The following RASAL1 variants were observed in gnomAD, a reference collection of about 807,000 sequenced individuals.
RASAL1 encodes rasGAP-activating-like protein 1.
Under a neutral mutation model 96.6 loss-of-function variants are expected in RASAL1, and 72 were observed. The ratio of observed to expected loss-of-function variants is 0.75; its 90% confidence interval spans 0.62 to 0.91. The LOEUF is 0.91. Among genes scored for constraint, RASAL1 ranks in the 40% least tolerant of loss-of-function variants. The pLI is 0.00. For missense variants in RASAL1, 1,016 were observed against 1,072.5 expected (o/e 0.95, Z 0.74); for synonymous variants, 405 against 430.4 (o/e 0.94, Z 0.73).
Position 113,116,018 on chromosome 12 carries a change from G to A in RASAL1, c.765C>T (p.Arg255=). 1 of 1,605,824 alleles carries A rather than the reference G, an allele frequency of 6.2e-7. No individual in the cohort carries two copies. The highest frequency in any genetic ancestry group is 8.5e-7 in the Non-Finnish European group (1 of 1,175,894). Residue 255 remains arginine, a synonymous_variant, in exon 9 of 21, where the codon CGC becomes CGT. Coordinates refer to ENST00000548055, the MANE Select transcript of RASAL1 (RefSeq NM_001301202.2). ...GNLGALRVKV[R]LIEDRVLPSQ... ...AGGGCAGGACGCGGTCCTCAATCAG[G>A]CGTACCTTCACTCGCAGGGCACCCA...
intron 13 of RASAL1, among the ~76,000 whole-genome samples, chr12:113,109,035 T>G (rs1950756963): frequency 7.1e-5 from 1 of 14,004 alleles, no homozygotes; most frequent in Non-Finnish European, 1.6e-4. Flanking sequence ...TTAGGTTTTT[T>G]TGTGTGTGTT....
At chr12:113,124,259 T>C (rs1046858513) in intron 4 of RASAL1, among the ~76,000 whole-genome samples, 5 of 148,836 alleles carry the variant, frequency 3.4e-5, no homozygotes, top group African/African-American at 1.2e-4. Flanking sequence ...AGTCCAACAA[T>C]GTATTAGGAA....
chr12:113,104,934 G>A (rs1950595243), intron 16 of RASAL1, among the ~76,000 whole-genome samples: 3 of 152,184 alleles, frequency 2.0e-5, no homozygotes, highest in Admixed American at 2.0e-4. Flanking sequence ...CAAACTTCTG[G>A]GGTTGGTTCT....
intron 16 of RASAL1, 25 bp downstream of exon 16, chr12:113,105,689 C>G (rs1950618740): frequency 6.4e-7 from 1 of 1,570,952 alleles, no homozygotes; most frequent in Admixed American, 1.8e-5. Context: ...CCTGGAAAGC[C>G]CTCCATAGTG....
chr12:113,105,731 T>C lies in RASAL1; in HGVS notation c.1813A>G (p.Lys605Glu). 6.2e-7 allele frequency: 1 copy of C among 1,610,644 alleles called. No individual in the cohort carries two copies. ...AACCCCACCTGCCACTCAGGACTCT[T>C]GGAGAAGGAGAGGGTCTCCCCGCTG... ...WLSGETLSFS[K>E]SPEWQMCHSI... is the part of the protein sequence containing the mutation. Residue 605 changes from lysine (K) to glutamate (E), a missense_variant, in exon 16 of 21, where the codon AAG becomes GAG. Lys to Glu is a moderately conservative substitution (Grantham distance 56). Transcript: ENST00000548055.
Position 113,115,493 on chromosome 12 carries a change from G to T in RASAL1, c.1003+142C>A. 8.1e-7 allele frequency: 1 copy of T among 1,227,900 alleles called. No homozygotes were observed. The highest frequency in any genetic ancestry group is 1.1e-6 in the Non-Finnish European group (1 of 890,738). 76.1% of individuals were successfully genotyped at this position (1,227,900 alleles called of 1,614,324 possible). On this transcript the variant is annotated intron_variant, in intron 10 of 20. Coordinates refer to ENST00000548055, the MANE Select transcript of RASAL1 (RefSeq NM_001301202.2). The surrounding 1 kb of genome is among the most constrained non-coding windows in gnomAD (Gnocchi z 4.1). ...TGAACCTGCAATTGGGCTCCCAACT[G>T]TCTGGAGGTGCACAGCACAGGGACC...
rs750930383 is a variant in RASAL1 at position 113,135,408 on chromosome 12, C to G, written c.55G>C (p.Ala19Pro). Reference sequence around the variant, plus strand: ...CCGAGGAGTACTCACACGTCCTTGGCAGGCAGCGCGCGGCCCTCCACCACG... The same window carrying G: ...CCGAGGAGTACTCACACGTCCTTGGGAGGCAGCGCGCGGCCCTCCACCACG... ...VRVVEGRALP[A>P]KDVSGSSDPY... Residue 19 changes from alanine to proline, a missense_variant, in exon 1 of 21, where the codon GCC becomes CCC. Coordinates refer to ENST00000548055, the MANE Select transcript of RASAL1 (RefSeq NM_001301202.2). This position sits in a 1 kb window ranked among gnomAD's most constrained non-coding sequence, Gnocchi z 5.7. 1 of 1,609,242 alleles carries G rather than the reference C, an allele frequency of 6.2e-7. No individual in the cohort carries two copies. Among genetic ancestry groups the G allele is most frequent in the Non-Finnish European group, 8.5e-7 (1 of 1,178,320 alleles).
Position 113,135,327 on chromosome 12 carries a change from G to T in RASAL1, c.65+71C>A. The T allele has an allele frequency of 6.9e-7, 1 of 1,450,724 alleles. No individual in the cohort carries two copies. The highest frequency in any genetic ancestry group is 1.2e-5 in the South Asian group (1 of 82,022). 89.9% of individuals were successfully genotyped at this position (1,450,724 alleles called of 1,614,324 possible). A position where few individuals can be genotyped will look rare whatever the true frequency, so the allele number is the denominator to read the frequency against. ...CTCCTGCCAACCCGCCCTGGCACGC[G>T]GAAAGGGCGACGTCGGCCCCACCCC... On this transcript the variant is annotated intron_variant, in intron 1 of 20. Transcript: ENST00000548055. The surrounding 1 kb of genome is among the most constrained non-coding windows in gnomAD (Gnocchi z 5.7).
In RASAL1 at chr12:113,128,193, G is replaced by A; in HGVS notation, c.123-15C>T. On this transcript the variant is annotated splice_polypyrimidine_tract_variant and intron_variant, in intron 2 of 20. Transcript: ENST00000548055. Reference sequence around the variant, plus strand: ...CAGTAGCTGTCCTGCAAAAGGAGGTGCAGGGGGCTGGGGTCCTCGGGCCAC... The same window carrying A: ...CAGTAGCTGTCCTGCAAAAGGAGGTACAGGGGGCTGGGGTCCTCGGGCCAC... The A allele has an allele frequency of 6.3e-7, 1 of 1,595,842 alleles. No individual in the cohort carries two copies. The highest frequency in any genetic ancestry group is 1.1e-5 in the South Asian group (1 of 90,676).
chr12:113,128,111 C>T lies in RASAL1; in HGVS notation c.190G>A (p.Asp64Asn). Reference protein sequence around the residue: ...GEEYTVHLPLDFHQLAFYVLD... With the variant: ...GEEYTVHLPLNFHQLAFYVLD... ...ACGTAGAAGGCCAGCTGGTGGAAATCCAGAGGCAGGTGCACCGTGTACTCC... is the reference window on the plus strand; with the variant it reads ...ACGTAGAAGGCCAGCTGGTGGAAATTCAGAGGCAGGTGCACCGTGTACTCC... Residue 64 changes from aspartate to asparagine, a missense_variant, in exon 3 of 21, where the codon GAT (aspartate) becomes AAT (asparagine). Coordinates refer to ENST00000548055, the MANE Select transcript of RASAL1 (RefSeq NM_001301202.2). 1 of 1,614,024 alleles carries T rather than the reference C, an allele frequency of 6.2e-7. No individual in the cohort carries two copies. Among genetic ancestry groups the T allele is most frequent in the Middle Eastern group, 1.6e-4 (1 of 6,062 alleles).
Position 113,100,067 on chromosome 12 carries a change from C to G in RASAL1, c.2280G>C (p.Gly760=), listed in dbSNP as rs1950386725. The G allele has an allele frequency of 6.2e-7, 1 of 1,601,790 alleles. No individual in the cohort carries two copies. Among genetic ancestry groups the G allele is most frequent in the East Asian group, 2.2e-5 (1 of 44,494 alleles). The change falls in exon 21 of 21, where the codon GGG becomes GGC. Residue 760 remains glycine, a splice_region_variant and synonymous_variant. Coordinates refer to ENST00000548055, the MANE Select transcript of RASAL1 (RefSeq NM_001301202.2). ...NMDTTLEADT[G]ACPEVLARQR... ...GCCGGGCCAGGACCTCAGGACAGGC[C>G]CCTAGGAGGGAGACAAGAGGCCACA...
intron 11 of RASAL1, 73 bp from the exon 12 acceptor site, chr12:113,114,985 G>A (rs1951021833): frequency 7.8e-7 from 1 of 1,278,736 alleles, no homozygotes; most frequent in South Asian, 1.2e-5. Context: ...TGGGCGCAGG[G>A]GGGACCATGC....
chr12:113,116,584 C>T (rs745430747), intron 8 of RASAL1, among the ~76,000 whole-genome samples: 11 of 152,146 alleles, frequency 7.2e-5, no homozygotes, highest in Non-Finnish European at 1.3e-4. Flanking sequence ...ATACAAACAA[C>T]ATAAACAGGC....
In RASAL1 at chr12:113,107,383, G is replaced by A. The variant is rs984128918; in HGVS notation, c.1513-142C>T. ...CATGCCTGTAATCCCAGCACTTTGG[G>A]AGGCCGAAGTAAGCGGATCACTTGA... On this transcript the variant is annotated intron_variant, in intron 14 of 20. Transcript: ENST00000548055. 6.2e-5 allele frequency: 62 copies of A among 994,556 alleles called. No homozygotes were observed. The African/African-American group carries it at 8.5e-4, about 14-fold the overall frequency. 61.6% of individuals were successfully genotyped at this position (994,556 alleles called of 1,614,324 possible). A position where few individuals can be genotyped will look rare whatever the true frequency, so the allele number is the denominator to read the frequency against.
intron 15 of RASAL1, 28 bp downstream of exon 15, chr12:113,107,069 C>T (rs2468355): frequency 0.78 from 1,248,510 of 1,591,302 alleles, 490,576 homozygotes; most frequent in Admixed American, 0.85. Flanking sequence ...GCTGAGAAGC[C>T]AGATGTGGCC....
At chr12:113,121,699 C>T in intron 4 of RASAL1, 61 bp from the exon 5 acceptor site, 1 of 1,543,894 alleles carries the variant, frequency 6.5e-7, no homozygotes, top group South Asian at 1.2e-5. Context: ...ATTGTGTTAA[C>T]TTAAAAATTC....
In RASAL1 at chr12:113,115,612, C is replaced by T. The variant is rs376406753; in HGVS notation, c.1003+23G>A. ...AGCCCACCATTGAGGGCGGTGATGT[C>T]GGGGGTTGTGCGGGCAACTCACTGG... On this transcript the variant is annotated intron_variant, in intron 10 of 20. Transcript: ENST00000548055. The surrounding 1 kb of genome is among the most constrained non-coding windows in gnomAD (Gnocchi z 4.1). 5.1e-5 allele frequency: 82 copies of T among 1,609,824 alleles called. 1 individual carries two copies. The South Asian group carries it at 7.2e-4, about 14-fold the overall frequency.
chr12:113,110,550 C>T (rs2136146545), intron 13 of RASAL1, among the ~76,000 whole-genome samples: 1 of 152,328 alleles, frequency 6.6e-6, no homozygotes, highest in South Asian at 2.1e-4. Context: ...AGTCCAACCA[C>T]AAATGTTTTG....
intron 4 of RASAL1, among the ~76,000 whole-genome samples, chr12:113,126,211 G>A (rs1308942240): frequency 6.6e-6 from 1 of 151,956 alleles, no homozygotes. Flanking sequence ...CTTGAGCCCG[G>A]GAGGCAAAGG....
Sources: allele counts gnomAD v4.1 joint callset (sites outside exome capture counted in the v4.1 genomes callset), GRCh38; gene constraint gnomAD v4.1.1; non-coding constraint Gnocchi (gnomAD v3.1); transcripts MANE v1.5; gene names NCBI Gene and HGNC (gene_info 2026-07-23, HGNC 2026-07-21).